SUPT3H: variants seen among roughly 807,000 people sequenced by gnomAD.
SUPT3H encodes the protein transcription initiation protein SPT3 homolog.
A neutral mutation model predicts 44.3 loss-of-function variants in SUPT3H; 44 were observed. The ratio of observed to expected loss-of-function variants is 0.99; its 90% CI spans 0.78 to 1.28. SUPT3H has a LOEUF of 1.28. Among genes scored for constraint, SUPT3H ranks in the 50% most tolerant of loss-of-function variants. SUPT3H has a pLI of 0.00. For missense variants in SUPT3H, 380 were observed against 387.1 expected (o/e 0.98, Z 0.15); for synonymous variants, 124 against 125.6 (o/e 0.99, Z 0.09).
intron 10 of SUPT3H, among the ~76,000 whole-genome samples, chr6:44,890,054 A>G (rs1412550973): frequency 1.3e-5 from 2 of 151,606 alleles, no homozygotes; most frequent in East Asian, 1.9e-4. Flanking sequence ...CAAAACCACA[A>G]TGAGATACCA....
chr6:44,817,637 T>G lies in SUPT3H; in HGVS notation c.*53-8136A>C, dbSNP rs78035992. On this transcript the variant is annotated intron_variant and NMD_transcript_variant, in intron 11 of 11. Coordinates refer to the SUPT3H transcript ENST00000475057. ...TAGAGCTAGTAAGTTCAGCAAGGTT[T>G]TAGCATAAAAAGTTAATATACAAAA... 6.0e-4 allele frequency among the ~76,000 whole-genome samples: 92 copies of G among 152,192 alleles called. 1 individual carries two copies. The East Asian group carries it at 0.016, about 27-fold the overall frequency.
chr6:45,136,528 G>T lies in SUPT3H; in HGVS notation c.102-30522C>A, dbSNP rs116896859. 6.4e-4 allele frequency among the ~76,000 whole-genome samples: 96 copies of T among 150,954 alleles called. No individual in the cohort carries two copies. In the East Asian group the frequency reaches 0.018, roughly 28 times the overall value. On this transcript the variant is annotated intron_variant, in intron 2 of 10. Transcript: ENST00000371459. Reference sequence around the variant, plus strand: ...ATTATAAATATTTCAAAGAGCTAAAGAAATTCAAGTTTAAAAAAACTAAAG... The same window carrying T: ...ATTATAAATATTTCAAAGAGCTAAATAAATTCAAGTTTAAAAAAACTAAAG...
intron 2 of SUPT3H, among the ~76,000 whole-genome samples, chr6:45,289,877 A>G (rs1247657258): frequency 6.6e-6 from 1 of 152,184 alleles, no homozygotes; most frequent in Non-Finnish European, 1.5e-5. Flanking sequence ...TAACAGCAAC[A>G]ATTTCTTAAC....
intron 6 of SUPT3H, among the ~76,000 whole-genome samples, chr6:44,973,939 C>T (rs539289407): frequency 1.5e-4 from 23 of 152,270 alleles, no homozygotes; most frequent in South Asian, 1.4e-3. Flanking sequence ...GTCCCTCCCA[C>T]GACACGTGAG....
chr6:44,928,467 G>C (rs1458350777), intron 10 of SUPT3H, among the ~76,000 whole-genome samples: 1 of 152,154 alleles, frequency 6.6e-6, no homozygotes, highest in African/African-American at 2.4e-5. Flanking sequence ...GAAGCTAGGG[G>C]TTGGAAGGCC....
intron 10 of SUPT3H, among the ~76,000 whole-genome samples, chr6:44,904,538 G>T (rs1047202095): frequency 6.6e-6 from 1 of 152,100 alleles, no homozygotes; most frequent in Admixed American, 6.5e-5. Context: ...ACAAATGGAA[G>T]AACACTCCAT....
intron 2 of SUPT3H, among the ~76,000 whole-genome samples, chr6:45,188,031 C>A (rs1264077675): frequency 6.6e-6 from 1 of 152,210 alleles, no homozygotes; most frequent in Non-Finnish European, 1.5e-5. Flanking sequence ...ACATGAATCA[C>A]CCCTTTGTTA....
At chr6:44,881,644 C>A (rs1290698811) in intron 10 of SUPT3H, among the ~76,000 whole-genome samples, 2 of 152,216 alleles carry the variant, frequency 1.3e-5, no homozygotes, top group Non-Finnish European at 2.9e-5. Context: ...GGAAGTCAAA[C>A]ACTCCTCAGC....
chr6:44,888,181 G>C (rs1367647180), intron 10 of SUPT3H, among the ~76,000 whole-genome samples: 2 of 152,194 alleles, frequency 1.3e-5, no homozygotes, highest in African/African-American at 2.4e-5. Flanking sequence ...AATTCTATCA[G>C]AGGTACAAGG....
intron 2 of SUPT3H, among the ~76,000 whole-genome samples, chr6:45,332,234 CT>C (rs1374340786): frequency 2.0e-5 from 3 of 151,532 alleles, no homozygotes; most frequent in Non-Finnish European, 1.5e-5. Flanking sequence ...ATCTAGAGGG[CT>C]TTCCCCCTCC....
intron 2 of SUPT3H, among the ~76,000 whole-genome samples, chr6:45,325,269 T>TA (rs555202269): frequency 6.6e-6 from 1 of 151,600 alleles, no homozygotes; most frequent in Non-Finnish European, 1.5e-5. Context: ...AAATAATCCT[T>TA]AAAAAAATGC....
chr6:45,024,413 G>A (rs1012688766), intron 3 of SUPT3H, among the ~76,000 whole-genome samples: 2 of 151,770 alleles, frequency 1.3e-5, no homozygotes, highest in Admixed American at 1.3e-4. Context: ...TCTTGAATGT[G>A]CTATTTCCAC....
At chr6:45,122,887 C>T (rs1218107273) in intron 2 of SUPT3H, among the ~76,000 whole-genome samples, 1 of 152,142 alleles carries the variant, frequency 6.6e-6, no homozygotes, top group African/African-American at 2.4e-5. Context: ...GAAAGGTGGA[C>T]ATTTAGAGTC....
chr6:45,346,620 T>G (rs1479168950), intron 2 of SUPT3H, among the ~76,000 whole-genome samples: 2 of 150,100 alleles, frequency 1.3e-5, no homozygotes, highest in East Asian at 3.9e-4. Flanking sequence ...CAGGCCAAAG[T>G]GCAGTGGTGC....
intron 10 of SUPT3H, among the ~76,000 whole-genome samples, chr6:44,877,386 T>G (rs1777486871): frequency 6.6e-6 from 1 of 151,550 alleles, no homozygotes; most frequent in South Asian, 2.1e-4. Flanking sequence ...GCAGAATCAC[T>G]TGAACCCCAG....
chr6:45,041,588 A>G (rs1788539646), intron 3 of SUPT3H, among the ~76,000 whole-genome samples: 1 of 152,194 alleles, frequency 6.6e-6, no homozygotes, highest in African/African-American at 2.4e-5. Context: ...ATGAATAATA[A>G]ATGCCAAATT....
intron 10 of SUPT3H, among the ~76,000 whole-genome samples, chr6:44,919,718 A>T (rs757187270): frequency 2.0e-5 from 3 of 152,012 alleles, no homozygotes; most frequent in Non-Finnish European, 4.4e-5. Flanking sequence ...TACGGCAAAT[A>T]TATCTTGAAT....
At chr6:45,208,723 CAAA>C (rs34279438) in intron 2 of SUPT3H, among the ~76,000 whole-genome samples, 2 of 96,788 alleles carry the variant, frequency 2.1e-5, no homozygotes, top group Admixed American at 2.1e-4. Flanking sequence ...GACTCTGTCT[CAAA>C]AAAAAAAAAA....
intron 2 of SUPT3H, among the ~76,000 whole-genome samples, chr6:45,220,738 T>C (rs188751519): frequency 1.1e-3 from 172 of 152,262 alleles, no homozygotes; most frequent in African/African-American, 3.7e-3. Context: ...GAAGAAAACC[T>C]AGGCCATACC....
Sources: allele counts gnomAD v4.1 joint callset (sites outside exome capture counted in the v4.1 genomes callset), GRCh38; gene constraint gnomAD v4.1.1; transcripts MANE v1.5; gene names NCBI Gene and HGNC (gene_info 2026-07-23, HGNC 2026-07-21).